Variants in FGGY observed in about 807,000 individuals in gnomAD.
The protein encoded by FGGY is FGGY carbohydrate kinase domain-containing protein.
FGGY carries 72 observed loss-of-function variants against 71.3 expected under a neutral mutation model. The ratio of observed to expected loss-of-function variants is 1.01; its 90% CI spans 0.84 to 1.23. The LOEUF is 1.23. Among genes scored for constraint, FGGY ranks in the 50% most tolerant of loss-of-function variants. The pLI, the probability that FGGY is intolerant of heterozygous loss-of-function variation, is 0.00. For synonymous variants in FGGY, 251 were observed against 250.3 expected (o/e 1.00, Z -0.02); for missense variants, 668 against 682.3 (o/e 0.98, Z 0.23).
intron 2 of FGGY, among the ~76,000 whole-genome samples, chr1:59,330,617 C>T (rs981227599): frequency 1.3e-5 from 2 of 151,360 alleles, no homozygotes; most frequent in Non-Finnish European, 2.9e-5. Context: ...CCTACTTCTA[C>T]CCACTGGAGA....
chr1:59,381,975 A>G (rs1373685600), intron 5 of FGGY, among the ~76,000 whole-genome samples: 5 of 152,180 alleles, frequency 3.3e-5, no homozygotes, highest in African/African-American at 4.8e-5. Flanking sequence ...GAAATCTTTA[A>G]GTATGACGAG....
chr1:59,721,800 G>A (rs2097899152), intron 14 of FGGY, among the ~76,000 whole-genome samples: 1 of 151,746 alleles, frequency 6.6e-6, no homozygotes, highest in Admixed American at 6.6e-5. Flanking sequence ...TTTAAACAGA[G>A]TGAAAGACAC....
intron 5 of FGGY, among the ~76,000 whole-genome samples, chr1:59,444,724 A>G (rs1255571577): frequency 1.3e-5 from 2 of 152,072 alleles, no homozygotes; most frequent in Admixed American, 6.5e-5. Context: ...CAAGGGATCT[A>G]AGTTGCACGC....
At chr1:59,375,703 A>G (rs1430151472) in intron 4 of FGGY, among the ~76,000 whole-genome samples, 2 of 152,122 alleles carry the variant, frequency 1.3e-5, no homozygotes, top group African/African-American at 4.8e-5. Flanking sequence ...TCAAAAAGAA[A>G]GAACGCAGGG....
At chr1:59,529,080 G>A (rs1168578216) in intron 7 of FGGY, among the ~76,000 whole-genome samples, 1 of 152,196 alleles carries the variant, frequency 6.6e-6, no homozygotes, top group Non-Finnish European at 1.5e-5. Context: ...TCTTAGCTCA[G>A]TAAATGAATG....
At chr1:59,683,262 G>T (rs2097519097) in intron 14 of FGGY, among the ~76,000 whole-genome samples, 1 of 152,170 alleles carries the variant, frequency 6.6e-6, no homozygotes, top group Non-Finnish European at 1.5e-5. Flanking sequence ...TGTGCCTGTG[G>T]TCTAGCAAGT....
chr1:59,366,847 G>A (rs1284570229), intron 4 of FGGY, among the ~76,000 whole-genome samples: 2 of 152,118 alleles, frequency 1.3e-5, no homozygotes, highest in Admixed American at 1.3e-4. Flanking sequence ...CAAGGGCAGA[G>A]GTTTGATAAA....
At chr1:59,512,892 C>A (rs2094551878) in intron 7 of FGGY, among the ~76,000 whole-genome samples, 1 of 152,152 alleles carries the variant, frequency 6.6e-6, no homozygotes, top group East Asian at 1.9e-4. Flanking sequence ...ACTCTCAAGT[C>A]TTTCATTCAT....
At chr1:59,461,810 G>T (rs1044864275) in intron 6 of FGGY, among the ~76,000 whole-genome samples, 1 of 151,562 alleles carries the variant, frequency 6.6e-6, no homozygotes, top group Non-Finnish European at 1.5e-5. Flanking sequence ...TTATTTTATT[G>T]TATTTTATTT....
chr1:59,355,317 A>G (rs368716021), intron 4 of FGGY, among the ~76,000 whole-genome samples: 3 of 152,350 alleles, frequency 2.0e-5, no homozygotes, highest in African/African-American at 7.2e-5. Context: ...AAGTTAGAAG[A>G]CTAATGAACA....
intron 6 of FGGY, among the ~76,000 whole-genome samples, chr1:59,467,781 C>T (rs1243395148): frequency 6.6e-6 from 1 of 152,148 alleles, no homozygotes; most frequent in Non-Finnish European, 1.5e-5. Flanking sequence ...AGTCACTTGG[C>T]ACATTTTAGA....
At chr1:59,414,139 A>G (rs1196100329) in intron 5 of FGGY, among the ~76,000 whole-genome samples, 1 of 152,242 alleles carries the variant, frequency 6.6e-6, no homozygotes, top group Non-Finnish European at 1.5e-5. Context: ...ATGAAACTTC[A>G]GGTTGACAGC....
chr1:59,755,889 T>C (rs2098285903), intron 14 of FGGY: 1 of 152,084 alleles, frequency 6.6e-6, no homozygotes, highest in Non-Finnish European at 1.5e-5. Context: ...GAGCTGGCAA[T>C]AGAAGGCAAG....
At chr1:59,486,714 G>A (rs2093668146) in intron 6 of FGGY, among the ~76,000 whole-genome samples, 1 of 152,094 alleles carries the variant, frequency 6.6e-6, no homozygotes. Context: ...CCTATATGGA[G>A]TCTCTCCTAA....
chr1:59,418,287 ATC>A (rs1481692405), intron 5 of FGGY, among the ~76,000 whole-genome samples: 1 of 152,176 alleles, frequency 6.6e-6, no homozygotes, highest in Non-Finnish European at 1.5e-5. Flanking sequence ...ACTATATGAT[ATC>A]TGTTTCAACT....
rs34520193 is a variant in FGGY at position 59,674,099 on chromosome 1, G to T, written c.1478G>T (p.Gly493Val). 27 of 1,613,860 alleles carry T rather than the reference G, an allele frequency of 1.7e-5. No homozygotes were observed. Among genetic ancestry groups the T allele is most frequent in the Non-Finnish European group, 2.0e-5 (24 of 1,179,948 alleles). Residue 493 changes from glycine (G) to valine (V), a missense_variant, in exon 14 of 16, where the codon GGT (glycine) becomes GTT (valine). Physicochemically the swap from Gly to Val is moderately radical, Grantham distance 109. Around this residue, in one of 2 missense-constraint regions of FGGY, gnomAD observed 661 missense variants for 661.6 expected, o/e 1.00. Transcript: ENST00000303721. ...ESVLVGAAVL[G>V]ACASGDFASV... is the part of the protein sequence containing the mutation. ...GTTCTTGTGGGTGCTGCTGTTCTGG[G>T]TGCCTGTGCCTCAGGGGATTTCGCT... is the stretch of plus-strand genomic sequence containing the variant.
At chr1:59,673,918 G>A in intron 13 of FGGY, 121 bp from the exon 14 acceptor site, 1 of 717,444 alleles carries the variant, frequency 1.4e-6, no homozygotes, top group East Asian at 2.7e-5. Flanking sequence ...ACTGCAGGGA[G>A]TCGGGCGGGG....
intron 4 of FGGY, among the ~76,000 whole-genome samples, chr1:59,351,250 T>C (rs988209207): frequency 3.3e-5 from 5 of 152,344 alleles, no homozygotes; most frequent in Middle Eastern, 3.4e-3. Flanking sequence ...ATATGTACCA[T>C]CTGGACCAAC....
intron 1 of FGGY, among the ~76,000 whole-genome samples, chr1:59,300,083 CA>C (rs1371738183): frequency 1.3e-5 from 2 of 152,102 alleles, no homozygotes; most frequent in African/African-American, 2.4e-5. Context: ...GGAATGTAGT[CA>C]TCAGTAGGTG....
Sources: allele counts gnomAD v4.1 joint callset (sites outside exome capture counted in the v4.1 genomes callset), GRCh38; gene constraint gnomAD v4.1.1; regional missense constraint gnomAD v4.1.1; transcripts MANE v1.5; gene names NCBI Gene and HGNC (gene_info 2026-07-23, HGNC 2026-07-21).